RPL26: variants seen among roughly 807,000 people sequenced by gnomAD.
RPL26 encodes the protein ribosomal protein L26, also known as large ribosomal subunit protein uL24.
RPL26 carries 1 observed loss-of-function variant against 16.2 expected under a neutral mutation model. That is an observed-to-expected ratio of 0.06 (90% CI 0.02 to 0.29). The LOEUF (loss-of-function observed/expected upper bound fraction) is 0.29. RPL26 is among the 10% of genes least tolerant of loss of function. The pLI, the probability that RPL26 is intolerant of heterozygous loss-of-function variation, is 1.00. For missense variants in RPL26, 102 were observed against 184.3 expected (o/e 0.55, Z 2.58); for synonymous variants, 55 against 62.4 (o/e 0.88, Z 0.56).
intron 2 of RPL26, among the ~76,000 whole-genome samples, chr17:8,380,412 G>A (rs1211832357): frequency 6.6e-6 from 1 of 152,146 alleles, no homozygotes; most frequent in African/African-American, 2.4e-5. Context: ...AACCCACACT[G>A]CTTGTTTGGG....
In RPL26 at chr17:8,383,155, AC is replaced by A; in HGVS notation, c.-6+1del. 1 of 398,474 alleles carries A rather than the reference AC, an allele frequency of 2.5e-6. No individual in the cohort carries two copies. Among genetic ancestry groups the A allele is most frequent in the East Asian group, 3.6e-5 (1 of 28,058 alleles). 24.7% of individuals were successfully genotyped at this position (398,474 alleles called of 1,614,324 possible). A position where few individuals can be genotyped will look rare whatever the true frequency, so the allele number is the denominator to read the frequency against. On this transcript the variant is annotated splice_donor_variant, in intron 1 of 3. Transcript: ENST00000648839. LOFTEE classifies it low-confidence loss of function (5UTR_SPLICE). Reference sequence around the variant, plus strand: ...ACACCCGCTTGCCCGCCGAATCCTTACCCGCTCCCGCTTCGGTGATGGCCGC... The same window carrying A: ...ACACCCGCTTGCCCGCCGAATCCTTACCGCTCCCGCTTCGGTGATGGCCGC...
At chr17:8,382,509 G>A (rs1420861468) in intron 1 of RPL26, 194 bp from the exon 2 acceptor site, 1 of 539,132 alleles carries the variant, frequency 1.9e-6, no homozygotes, top group Non-Finnish European at 3.3e-6. Context: ...TGTTTTATTC[G>A]GGTGTTTTCT....
At chr17:8,382,832 T>G (rs912505106) in intron 1 of RPL26, 3 of 388,776 alleles carry the variant, frequency 7.7e-6, no homozygotes, top group Admixed American at 4.5e-5. Flanking sequence ...AGTGGGCAAG[T>G]GTGGTCTGGA....
chr17:8,378,258 G>GC (rs1028112804), intron 3 of RPL26, among the ~76,000 whole-genome samples: 7 of 152,082 alleles, frequency 4.6e-5, no homozygotes, highest in Admixed American at 1.3e-4. Context: ...TGGAACCCTG[G>GC]GGGGGCGGAG....
chr17:8,383,040 C>G (rs1907501795), intron 1 of RPL26, 117 bp downstream of exon 1: 1 of 398,552 alleles, frequency 2.5e-6, no homozygotes, highest in Admixed American at 4.4e-5. Flanking sequence ...ATCCCAGTCT[C>G]TCCTTCCTGG....
chr17:8,378,292 T>C (rs1393924420), intron 3 of RPL26, among the ~76,000 whole-genome samples: 1 of 152,124 alleles, frequency 6.6e-6, no homozygotes, highest in African/African-American at 2.4e-5. Context: ...GAGATGGTGC[T>C]ATTATTGCAC....
chr17:8,381,513 A>T (rs1372908730), intron 2 of RPL26, among the ~76,000 whole-genome samples: 1 of 152,236 alleles, frequency 6.6e-6, no homozygotes, highest in Admixed American at 6.5e-5. Flanking sequence ...GTTGGAGACC[A>T]ATCTGGGCAG....
intron 1 of RPL26, 136 bp from the exon 2 acceptor site, chr17:8,382,451 GTT>G: frequency 1.6e-6 from 1 of 644,422 alleles, no homozygotes; most frequent in South Asian, 2.1e-5. Context: ...AACAAAAACT[GTT>G]TGATCGGAAG....
At position 8,382,183 on chromosome 17, in the gene RPL26, T is replaced by C. The variant is rs149055327; in HGVS notation, c.128A>G (p.Asn43Ser). 1.0e-4 allele frequency: 163 copies of C among 1,613,908 alleles called. No individual in the cohort carries two copies. The African/African-American group carries it at 2.0e-3, about 19-fold the overall frequency. Reference sequence around the variant, plus strand: ...CTTTCGGATGGGCATGGATCGCACGTTGTACTTCTGTCTCAGCTCTTTGGA... The same window carrying C: ...CTTTCGGATGGGCATGGATCGCACGCTGTACTTCTGTCTCAGCTCTTTGGA... The part of the protein sequence containing the change: ...PLSKELRQKY[N>S]VRSMPIRKDD... Residue 43 changes from asparagine (N) to serine (S), a missense_variant, in exon 2 of 4, where the codon AAC (asparagine) becomes AGC (serine). Physicochemically the swap from Asn to Ser is conservative, Grantham distance 46. Transcript: ENST00000648839.
In RPL26 at chr17:8,379,868, A is replaced by T. The variant is rs1907332201; in HGVS notation, c.237T>A (p.Val79=). Residue 79 remains valine (V), a synonymous_variant, in exon 3 of 4, where the codon GTT becomes GTA. Transcript: ENST00000648839. ...CCCGCTGCACCCGTTCAATGTAGAT[A>T]ACATATTTCTTCCTGTAAACCTGGA... is the stretch of plus-strand genomic sequence containing the variant. ...KVVQVYRKKY[V]IYIERVQREK... is the part of the protein sequence containing the mutation. The T allele has an allele frequency of 1.2e-6, 2 of 1,613,564 alleles. No individual in the cohort carries two copies. The highest frequency in any genetic ancestry group is 1.7e-6 in the Non-Finnish European group (2 of 1,179,564).
chr17:8,380,177 A>G (rs1249997114), intron 2 of RPL26: 3 of 425,920 alleles, frequency 7.0e-6, no homozygotes, highest in African/African-American at 2.0e-5. Flanking sequence ...AGTGCTAGTC[A>G]GAGGGCAGCA....
rs1278479174 is a variant in RPL26 at position 8,377,703 on chromosome 17, A to G, written c.310-11T>C. ...CCTAGTGATAACCACCTGCAGAAAA[A>G]TAAGAAAAAAACACTCCCAAGCTTT... On this transcript the variant is annotated splice_polypyrimidine_tract_variant and intron_variant, in intron 3 of 3. Transcript: ENST00000648839. The G allele has an allele frequency of 3.8e-6, 6 of 1,599,452 alleles. No individual in the cohort carries two copies. The highest frequency in any genetic ancestry group is 5.1e-6 in the Non-Finnish European group (6 of 1,172,978).
intron 2 of RPL26, chr17:8,381,084 T>C (rs1907387676): frequency 6.6e-6 from 1 of 152,078 alleles, no homozygotes; most frequent in Admixed American, 6.6e-5. Context: ...CCCAGATCAA[T>C]AAACTGGCTC....
In RPL26 at chr17:8,382,090, G is replaced by A. The variant is rs565404345; in HGVS notation, c.168+53C>T. On this transcript the variant is annotated intron_variant, in intron 2 of 3. Transcript: ENST00000648839. Reference sequence around the variant, plus strand: ...CTCAGGAATGCAATCTCTCTTCTAAGCTAAGTGCGTAAAATATCCATCAAG... The same window carrying A: ...CTCAGGAATGCAATCTCTCTTCTAAACTAAGTGCGTAAAATATCCATCAAG... The A allele has an allele frequency of 6.0e-5, 88 of 1,477,646 alleles. No individual in the cohort carries two copies. In the African/African-American group the frequency reaches 9.7e-4, roughly 16 times the overall value. The allele number at this position is 1,477,646 out of a possible 1,614,324, so 91.5% of individuals were successfully genotyped here. A position where few individuals can be genotyped will look rare whatever the true frequency, so the allele number is the denominator to read the frequency against.
intron 1 of RPL26, chr17:8,382,839 T>A: frequency 2.6e-6 from 1 of 390,690 alleles, no homozygotes; most frequent in Non-Finnish European, 4.5e-6. Flanking sequence ...AAGTGTGGTC[T>A]GGAAATTCCG....
In RPL26 at chr17:8,382,266, G is replaced by A. The variant is rs1264549759; in HGVS notation, c.45C>T (p.Arg15=). ...GGGAAGGTGCATTGAAATGCCTTTTGCGATTCTTGCTTCGGTCGGAAGTCA... is the reference window on the plus strand; with the variant it reads ...GGGAAGGTGCATTGAAATGCCTTTTACGATTCTTGCTTCGGTCGGAAGTCA... ...PFVTSDRSKN[R]KRHFNAPSHI... Residue 15 remains arginine (R), a synonymous_variant, in exon 2 of 4, where the codon CGC becomes CGT. Coordinates refer to ENST00000648839, the MANE Select transcript of RPL26 (RefSeq NM_000987.5). 14 of 1,613,774 alleles carry A rather than the reference G, an allele frequency of 8.7e-6. No individual in the cohort carries two copies. The highest frequency in any genetic ancestry group is 1.1e-5 in the Non-Finnish European group (13 of 1,179,732).
chr17:8,382,344 A>G, intron 1 of RPL26, 29 bp from the exon 2 acceptor site: 1 of 1,524,916 alleles, frequency 6.6e-7, no homozygotes, highest in Non-Finnish European at 9.1e-7. Context: ...AGACTCTTAA[A>G]TGACCAAAAT....
intron 3 of RPL26, chr17:8,379,587 G>C: frequency 1.7e-6 from 1 of 586,862 alleles, no homozygotes; most frequent in Non-Finnish European, 3.0e-6. Context: ...CAAACTAACA[G>C]AAACATAATG....
At chr17:8,381,980 GA>G in intron 2 of RPL26, 162 bp downstream of exon 2, 1 of 550,852 alleles carries the variant, frequency 1.8e-6, no homozygotes, top group South Asian at 2.0e-5. Context: ...ATTAAAAACT[GA>G]AAAGCAGCTT....
Sources: allele counts gnomAD v4.1 joint callset (sites outside exome capture counted in the v4.1 genomes callset), GRCh38; gene constraint gnomAD v4.1.1; transcripts MANE v1.5; gene names NCBI Gene and HGNC (gene_info 2026-07-23, HGNC 2026-07-21).